KCNS3: variants seen among roughly 807,000 people sequenced by gnomAD.
KCNS3 encodes the protein potassium voltage-gated channel modifier subfamily S member 3.
Under a neutral mutation model 31.0 loss-of-function variants are expected in KCNS3, and 13 were observed. The observed-to-expected ratio is 0.42, with a 90% confidence interval of 0.27 to 0.67. The LOEUF (loss-of-function observed/expected upper bound fraction) is 0.67. Ranked by LOEUF, KCNS3 falls within the 30% of genes least tolerant of loss-of-function variation. The pLI is 0.25. For synonymous variants in KCNS3, 238 were observed against 241.5 expected (o/e 0.99, Z 0.13); for missense variants, 545 against 622.4 (o/e 0.88, Z 1.32).
At chr2:17,898,445 T>C (rs17316191) in intron 1 of KCNS3, among the ~76,000 whole-genome samples, 14,530 of 152,246 alleles carry the variant, frequency 0.095, 872 homozygotes, top group South Asian at 0.19. Flanking sequence ...ATTTCAACTT[T>C]CAGGTTCCTC....
intron 1 of KCNS3, among the ~76,000 whole-genome samples, chr2:17,890,248 T>C (rs1321155725): frequency 6.6e-6 from 1 of 152,180 alleles, no homozygotes; most frequent in Non-Finnish European, 1.5e-5. Flanking sequence ...TCTTTTGTAT[T>C]TCAGTGGTGT....
chr2:17,907,851 C>A (rs569375974), intron 1 of KCNS3, among the ~76,000 whole-genome samples: 1 of 152,322 alleles, frequency 6.6e-6, no homozygotes, highest in African/African-American at 2.4e-5. Context: ...ATGGGTTTCC[C>A]TTTGTGGGCA....
chr2:17,903,573 C>G (rs1169993853), intron 1 of KCNS3, among the ~76,000 whole-genome samples: 1 of 152,078 alleles, frequency 6.6e-6, no homozygotes, highest in African/African-American at 2.4e-5. Flanking sequence ...TGTCATTTAA[C>G]ATTAGGTATA....
At chr2:17,888,637 A>ATCTATC (rs1558446968) in intron 1 of KCNS3, among the ~76,000 whole-genome samples, 8 of 70,746 alleles carry the variant, frequency 1.1e-4, no homozygotes, top group Admixed American at 7.5e-4. Flanking sequence ...ATGTATATAT[A>ATCTATC]TATATATATA....
intron 1 of KCNS3, among the ~76,000 whole-genome samples, chr2:17,889,498 CTTG>C (rs1383185918): frequency 6.6e-6 from 1 of 152,176 alleles, no homozygotes; most frequent in Non-Finnish European, 1.5e-5. Context: ...GCATCCTTGT[CTTG>C]TTCCCGTTCT....
chr2:17,889,084 G>A (rs1211779045), intron 1 of KCNS3, among the ~76,000 whole-genome samples: 1 of 152,082 alleles, frequency 6.6e-6, no homozygotes, highest in African/African-American at 2.4e-5. Context: ...CCATTTGTTT[G>A]TCTTGTCTAT....
rs1662625263 is a variant in KCNS3 at position 17,917,826 on chromosome 2, C to T, written c.-105C>T. 1 of 152,718 alleles carries T rather than the reference C, an allele frequency of 6.5e-6. No individual in the cohort carries two copies. The highest frequency in any genetic ancestry group is 6.5e-5 in the Admixed American group (1 of 15,280). The allele number at this position is 152,718 out of a possible 1,614,324, so 9.5% of individuals were successfully genotyped here. On this transcript the variant is annotated 5_prime_UTR_variant, in exon 2 of 3. Transcript: ENST00000304101. ...GCTTCTTGGATGATGATGGACGTCC[C>T]ACCGGGCAGGATGAAGGCAGAGCGT... is the stretch of plus-strand genomic sequence containing the variant.
At chr2:17,929,875 A>G (rs72770479) in intron 2 of KCNS3, among the ~76,000 whole-genome samples, 37,482 of 151,994 alleles carry the variant, frequency 0.25, 5,737 homozygotes, top group Non-Finnish European at 0.35. Flanking sequence ...AGCAGTACCC[A>G]TTTTTCTATC....
At chr2:17,914,472 G>A (rs565223149) in intron 1 of KCNS3, among the ~76,000 whole-genome samples, 2 of 152,286 alleles carry the variant, frequency 1.3e-5, no homozygotes, top group African/African-American at 2.4e-5. Flanking sequence ...AGACTCTTCT[G>A]TTTTCACCAC....
intron 2 of KCNS3, among the ~76,000 whole-genome samples, chr2:17,924,405 G>C (rs2125252499): frequency 6.6e-6 from 1 of 152,152 alleles, no homozygotes; most frequent in East Asian, 1.9e-4. Flanking sequence ...AATAAAAGTG[G>C]TGGGATTGGA....
At chr2:17,928,623 A>C (rs1023718542) in intron 2 of KCNS3, among the ~76,000 whole-genome samples, 6 of 150,298 alleles carry the variant, frequency 4.0e-5, no homozygotes, top group African/African-American at 1.5e-4. Context: ...TTTTTTTTAA[A>C]TTTTATTCTC....
intron 1 of KCNS3, among the ~76,000 whole-genome samples, chr2:17,887,902 T>C (rs1255970695): frequency 1.3e-5 from 2 of 152,170 alleles, no homozygotes; most frequent in East Asian, 3.8e-4. Context: ...TTGTGGTTTT[T>C]ATTTCATTTC....
chr2:17,891,587 G>A (rs2087630856), intron 1 of KCNS3, among the ~76,000 whole-genome samples: 1 of 152,146 alleles, frequency 6.6e-6, no homozygotes, highest in African/African-American at 2.4e-5. Flanking sequence ...TCAAGATTTA[G>A]AGCTCCTTTT....
At chr2:17,901,409 C>T (rs188225854) in intron 1 of KCNS3, among the ~76,000 whole-genome samples, 21 of 152,230 alleles carry the variant, frequency 1.4e-4, no homozygotes, top group South Asian at 6.2e-4. Flanking sequence ...AACAGGCCTC[C>T]GTGGCGAGGG....
Position 17,932,416 on chromosome 2 carries a change from G to A in KCNS3, c.1408G>A (p.Ala470Thr). The A allele has an allele frequency of 6.2e-7, 1 of 1,614,090 alleles. No homozygotes were observed. Among genetic ancestry groups the A allele is most frequent in the Non-Finnish European group, 8.5e-7 (1 of 1,179,976 alleles). The change falls in exon 3 of 3, where the codon GCT (alanine) becomes ACT (threonine). Residue 470 changes from alanine (A) to threonine (T), a missense_variant. Physicochemically the swap from Ala to Thr is moderately conservative, Grantham distance 58. Coordinates refer to ENST00000304101, the MANE Select transcript of KCNS3 (RefSeq NM_002252.5). ...GGTGAGCGATCCTGACTCCACAGAT[G>A]CTTCAAGCATTGAAGACAATGAGGA... ...IVVSDPDSTD[A>T]SSIEDNEDIC... is the part of the protein sequence containing the mutation.
At chr2:17,922,756 A>G (rs1662746655) in intron 2 of KCNS3, among the ~76,000 whole-genome samples, 6 of 151,958 alleles carry the variant, frequency 3.9e-5, no homozygotes, top group Admixed American at 3.9e-4. Context: ...AATACAATAT[A>G]TGATCTTTTA....
At chr2:17,926,995 G>C (rs898566365) in intron 2 of KCNS3, among the ~76,000 whole-genome samples, 1 of 152,064 alleles carries the variant, frequency 6.6e-6, no homozygotes, top group East Asian at 1.9e-4. Context: ...AATTTCAAAC[G>C]ATCTTTTGTG....
At chr2:17,893,610 T>C (rs1280374122) in intron 1 of KCNS3, among the ~76,000 whole-genome samples, 2 of 152,186 alleles carry the variant, frequency 1.3e-5, no homozygotes, top group African/African-American at 4.8e-5. Flanking sequence ...TGCTGCTTCC[T>C]CTGTATTTCG....
At chr2:17,884,266 AAAATATATAT>A (rs1222441491) in intron 1 of KCNS3, among the ~76,000 whole-genome samples, 94 of 45,140 alleles carry the variant, frequency 2.1e-3, no homozygotes, top group Non-Finnish European at 2.8e-3. Flanking sequence ...TAAAAAAAAA[AAAATATATAT>A]ATATATATAT....
Sources: allele counts gnomAD v4.1 joint callset (sites outside exome capture counted in the v4.1 genomes callset), GRCh38; gene constraint gnomAD v4.1.1; transcripts MANE v1.5; gene names NCBI Gene and HGNC (gene_info 2026-07-23, HGNC 2026-07-21).